The following RPS6KA6 variants were observed in gnomAD, a reference collection of about 807,000 sequenced individuals.
RPS6KA6 encodes the protein ribosomal protein S6 kinase alpha-6.
In RPS6KA6, 27 loss-of-function variants were observed where a neutral mutation model predicts 65.4. The ratio of observed to expected loss-of-function variants is 0.41; its 90% CI spans 0.30 to 0.57. The LOEUF is 0.57. RPS6KA6 is among the 20% of genes least tolerant of loss of function. RPS6KA6 has a pLI of 0.24. For missense variants in RPS6KA6, 486 were observed against 555.6 expected (o/e 0.87, Z 1.26); for synonymous variants, 190 against 184.2 (o/e 1.03, Z -0.26).
At chrX:84,186,991 G>C (rs764470139) in intron 1 of RPS6KA6, 7 of 112,086 alleles carry the variant, frequency 6.2e-5, no homozygotes, top group African/African-American at 9.7e-5. Flanking sequence ...AGCCCAACCA[G>C]AACAGTTTCA....
intron 20 of RPS6KA6, among the ~76,000 whole-genome samples, chrX:84,070,050 C>T (rs763692942): frequency 8.9e-6 from 1 of 111,951 alleles, no homozygotes; most frequent in South Asian, 3.7e-4. Flanking sequence ...CCCAGCAATC[C>T]CATTACTGGG....
At chrX:84,185,971 AT>A (rs1477594147) in intron 1 of RPS6KA6, 3 of 486,001 alleles carry the variant, frequency 6.2e-6, no homozygotes, top group African/African-American at 4.7e-5. Context: ...CACCTATAAT[AT>A]TTTTTATTAA....
Position 84,148,057 on chromosome X carries a change from T to G in RPS6KA6, c.325A>C (p.Lys109Gln), listed in dbSNP as rs771243958. ...GQLYAMKVLK[K>Q]ASLKVRDRVR... is the part of the protein sequence containing the mutation. ...AATTTTCTACCTTTTAAAGAGGCTT[T>G]TTTTAACACCTTCATTGCATAGAGC... The change falls in exon 4 of 22, where the codon AAA (lysine) becomes CAA (glutamine). Residue 109 changes from lysine (K) to glutamine (Q), a missense_variant. Lys to Gln is a moderately conservative substitution (Grantham distance 53). Coordinates refer to ENST00000262752, the MANE Select transcript of RPS6KA6 (RefSeq NM_014496.5). 8.6e-7 allele frequency: 1 copy of G among 1,166,448 alleles called. No individual in the cohort carries two copies. The highest frequency in any genetic ancestry group is 1.2e-6 in the Non-Finnish European group (1 of 868,556).
intron 20 of RPS6KA6, among the ~76,000 whole-genome samples, chrX:84,071,923 C>T (rs2033551914): frequency 9.0e-6 from 1 of 111,643 alleles, no homozygotes; most frequent in African/African-American, 3.3e-5. Context: ...TAGAAAGTAA[C>T]AGGATTAAAT....
intron 20 of RPS6KA6, among the ~76,000 whole-genome samples, chrX:84,090,002 G>C (rs757843466): frequency 2.7e-5 from 3 of 111,964 alleles, no homozygotes; most frequent in Non-Finnish European, 5.6e-5. Flanking sequence ...GAATATAGGA[G>C]CATAGCAATT....
At chrX:84,133,697 ATTTTTAATTATC>A (rs771240211) in intron 8 of RPS6KA6, among the ~76,000 whole-genome samples, 52 of 111,811 alleles carry the variant, frequency 4.7e-4, no homozygotes, top group Non-Finnish European at 9.1e-4. Flanking sequence ...AGAGGAATTA[ATTTTTAATTATC>A]TTTTTAATTG....
chrX:84,185,715 T>G (rs1307035148), intron 1 of RPS6KA6, among the ~76,000 whole-genome samples: 2 of 112,003 alleles, frequency 1.8e-5, no homozygotes, highest in Non-Finnish European at 3.8e-5. Flanking sequence ...TCTTTAAGGA[T>G]TCTAGCACAT....
intron 8 of RPS6KA6, among the ~76,000 whole-genome samples, chrX:84,130,180 G>A (rs930785301): frequency 1.9e-4 from 21 of 110,808 alleles, no homozygotes; most frequent in Non-Finnish European, 3.8e-5. Context: ...ATTCTAGGCT[G>A]AAAACCAAAC....
intron 8 of RPS6KA6, among the ~76,000 whole-genome samples, chrX:84,128,114 C>T (rs1342709117): frequency 9.0e-6 from 1 of 111,587 alleles, no homozygotes. Context: ...ACAAACTCAG[C>T]AAAGTTGCAG....
intron 11 of RPS6KA6, 91 bp from the exon 12 acceptor site, chrX:84,116,378 C>T: frequency 2.5e-6 from 1 of 397,075 alleles, no homozygotes; most frequent in East Asian, 4.7e-5. Flanking sequence ...CAGGAATACA[C>T]ATATTTCATA....
At chrX:84,173,901 C>G (rs16979797) in intron 1 of RPS6KA6, among the ~76,000 whole-genome samples, 1 of 111,297 alleles carries the variant, frequency 9.0e-6, no homozygotes. Flanking sequence ...TTTTGGTCAA[C>G]GTGAAATGAA....
At chrX:84,084,015 T>G (rs2033862321) in intron 20 of RPS6KA6, among the ~76,000 whole-genome samples, 1 of 112,419 alleles carries the variant, frequency 8.9e-6, no homozygotes, top group Non-Finnish European at 1.9e-5. Context: ...TACATAAATG[T>G]CTTCTTTTGA....
At position 84,064,176 on chromosome X, in the gene RPS6KA6, T is replaced by C; in HGVS notation, c.*101A>G. ...ATGGGGATTTAATATTACTTAATAT[T>C]CAAGTAATTTAGCAGACAACGATGC... On this transcript the variant is annotated 3_prime_UTR_variant, in exon 22 of 22. Coordinates refer to ENST00000262752, the MANE Select transcript of RPS6KA6 (RefSeq NM_014496.5). 1 of 930,933 alleles carries C rather than the reference T, an allele frequency of 1.1e-6. No individual in the cohort carries two copies. Among genetic ancestry groups the C allele is most frequent in the Non-Finnish European group, 1.5e-6 (1 of 686,770 alleles). 76.7% of individuals were successfully genotyped at this position (930,933 alleles called of 1,213,427 possible).
chrX:84,148,998 A>C (rs2035251418), intron 3 of RPS6KA6, among the ~76,000 whole-genome samples: 1 of 112,109 alleles, frequency 8.9e-6, no homozygotes, highest in Non-Finnish European at 1.9e-5. Flanking sequence ...CAGTCCTCTC[A>C]AATCCTACCG....
chrX:84,088,211 G>C lies in RPS6KA6; in HGVS notation c.1971+7983C>G, dbSNP rs2033968126. The stretch of plus-strand genomic sequence containing the variant: ...GGGAAGAGGTCCTCTGCCTTTTTGA[G>C]TTTTCAGCATTTTTGCATTATTTCT... On this transcript the variant is annotated intron_variant, in intron 20 of 21. Coordinates refer to ENST00000262752, the MANE Select transcript of RPS6KA6 (RefSeq NM_014496.5). 3.6e-5 allele frequency among the ~76,000 whole-genome samples: 4 copies of C among 111,976 alleles called. No individual in the cohort carries two copies. The Admixed American group carries it at 3.8e-4, about 11-fold the overall frequency.
At position 84,080,703 on chromosome X, in the gene RPS6KA6, C is replaced by A. The variant is rs1226587111; in HGVS notation, c.1971+15491G>T. Among the ~76,000 whole-genome samples the A allele has an allele frequency of 2.8e-5, 3 of 108,458 alleles. 1 individual carries two copies. In the East Asian group the frequency reaches 9.0e-4, roughly 32 times the overall value. 94.2% of individuals were successfully genotyped at this position (108,458 alleles called of 115,157 possible). On this transcript the variant is annotated intron_variant, in intron 20 of 21. Coordinates refer to ENST00000262752, the MANE Select transcript of RPS6KA6 (RefSeq NM_014496.5). The stretch of plus-strand genomic sequence containing the variant: ...TTCTCACCACCACATCACACTTATT[C>A]TAAAATTGACCACATAATTGAAAGT...
At chrX:84,148,325 T>C (rs2147554104) in intron 3 of RPS6KA6, among the ~76,000 whole-genome samples, 1 of 110,583 alleles carries the variant, frequency 9.0e-6, no homozygotes, top group South Asian at 3.9e-4. Context: ...CCATACATTA[T>C]ACGTATTGAA....
intron 6 of RPS6KA6, among the ~76,000 whole-genome samples, chrX:84,139,714 T>C (rs2035062020): frequency 8.9e-6 from 1 of 111,896 alleles, no homozygotes; most frequent in Non-Finnish European, 1.9e-5. Flanking sequence ...TAAAGAAAAA[T>C]GAAGCAGACA....
chrX:84,135,200 G>C lies in RPS6KA6; in HGVS notation c.512C>G (p.Thr171Arg), dbSNP rs2034970679. ...GAGGTAGAATTTCACATCTTCCTCT[G>C]TAAACAGAACCTAGAACAAAATAAT... Reference protein sequence around the residue: ...FTRLSKEVLFTEEDVKFYLAE... With the variant: ...FTRLSKEVLFREEDVKFYLAE... The change falls in exon 7 of 22, where the codon ACA becomes AGA. Residue 171 changes from threonine (T) to arginine (R), a missense_variant. Physicochemically the swap from Thr to Arg is moderately conservative, Grantham distance 71. Around this residue, in one of 3 missense-constraint regions of RPS6KA6, gnomAD observed 35 missense variants for 75.5 expected, o/e 0.46. Coordinates refer to ENST00000262752, the MANE Select transcript of RPS6KA6 (RefSeq NM_014496.5). 1 of 1,171,347 alleles carries C rather than the reference G, an allele frequency of 8.5e-7. No homozygotes were observed. Among genetic ancestry groups the C allele is most frequent in the Admixed American group, 2.2e-5 (1 of 45,099 alleles).
Sources: gnomAD v4.1 joint callset for allele counts (sites outside exome capture counted in the v4.1 genomes callset) on GRCh38, gnomAD v4.1.1 for gene constraint, gnomAD v4.1.1 regional missense constraint, MANE v1.5 for transcripts, NCBI Gene and HGNC (gene_info 2026-07-23, HGNC 2026-07-21) for gene names.